The following AFF3 variants were observed in gnomAD, a reference collection of about 807,000 sequenced individuals.
AFF3 encodes the protein ALF transcription elongation factor 3, also known as AF4/FMR2 family member 3.
Under a neutral mutation model 129.7 loss-of-function variants are expected in AFF3, and 32 were observed. That is an observed-to-expected ratio of 0.25 (90% confidence interval 0.19 to 0.33). The LOEUF (loss-of-function observed/expected upper bound fraction) is 0.33, where lower values mean the gene tolerates loss of function less well. Among genes scored for constraint, AFF3 ranks in the 10% least tolerant of loss-of-function variants. The pLI is 1.00. For missense variants in AFF3, 1,373 were observed against 1,592.0 expected (o/e 0.86, Z 2.34); for synonymous variants, 644 against 635.4 (o/e 1.01, Z -0.20).
chr2:99,964,437 A>C (rs930696851), intron 7 of AFF3, among the ~76,000 whole-genome samples: 1 of 152,200 alleles, frequency 6.6e-6, no homozygotes, highest in Admixed American at 6.5e-5. Context: ...ATCAAACTAG[A>C]AATCAATAAC....
At chr2:99,836,712 T>A (rs938675064) in intron 8 of AFF3, among the ~76,000 whole-genome samples, 2 of 150,334 alleles carry the variant, frequency 1.3e-5, no homozygotes, top group African/African-American at 4.9e-5. Context: ...AATAAAGTGT[T>A]TTTTTTTTTA....
At chr2:100,131,997 A>T (rs565052583) in intron 1 of AFF3, among the ~76,000 whole-genome samples, 3 of 152,114 alleles carry the variant, frequency 2.0e-5, no homozygotes, top group Non-Finnish European at 2.9e-5. Context: ...CCCAGCTCCG[A>T]GGGAGGACCG....
chr2:99,866,259 G>C (rs1249633355), intron 7 of AFF3, among the ~76,000 whole-genome samples: 1 of 152,218 alleles, frequency 6.6e-6, no homozygotes, highest in African/African-American at 2.4e-5. Flanking sequence ...ATGGTGTTCA[G>C]TAGAAAGCAG....
At chr2:99,752,149 G>C in intron 9 of AFF3, 72 bp downstream of exon 9, 1 of 1,332,420 alleles carries the variant, frequency 7.5e-7, no homozygotes, top group African/African-American at 1.4e-5. Flanking sequence ...ACAATCACGG[G>C]TAAAGCCCAC....
At chr2:99,899,509 ATTTATC>A (rs1322759854) in intron 7 of AFF3, among the ~76,000 whole-genome samples, 1 of 152,254 alleles carries the variant, frequency 6.6e-6, no homozygotes, top group Non-Finnish European at 1.5e-5. Context: ...CAATCGATCC[ATTTATC>A]TTCACTGGTA....
intron 11 of AFF3, among the ~76,000 whole-genome samples, chr2:99,723,976 A>G (rs1371327090): frequency 1.3e-5 from 2 of 152,066 alleles, no homozygotes; most frequent in African/African-American, 4.8e-5. Flanking sequence ...CTCTCTTTAC[A>G]TCTCCCAGAA....
chr2:99,611,426 G>C (rs1272253028), intron 13 of AFF3, among the ~76,000 whole-genome samples: 4 of 152,064 alleles, frequency 2.6e-5, no homozygotes, highest in African/African-American at 9.7e-5. Context: ...AAAAATTATT[G>C]CTTGTTTTTG....
intron 12 of AFF3, among the ~76,000 whole-genome samples, chr2:99,670,339 T>C (rs1029885942): frequency 6.6e-6 from 1 of 152,172 alleles, no homozygotes; most frequent in African/African-American, 2.4e-5. Context: ...CATGGGCTGG[T>C]TGAACCAATA....
chr2:99,645,833 T>C (rs1248165900), intron 13 of AFF3, among the ~76,000 whole-genome samples: 1 of 152,334 alleles, frequency 6.6e-6, no homozygotes, highest in Middle Eastern at 3.4e-3. Context: ...CTGTCAGATA[T>C]TGGATTTGTG....
chr2:100,064,416 G>T (rs1687556554), intron 4 of AFF3, among the ~76,000 whole-genome samples: 1 of 152,168 alleles, frequency 6.6e-6, no homozygotes, highest in Non-Finnish European at 1.5e-5. Context: ...TGTCTTCAAT[G>T]GGCAAGGAAA....
chr2:100,118,878 C>T (rs1691836107), intron 2 of AFF3, among the ~76,000 whole-genome samples: 2 of 151,582 alleles, frequency 1.3e-5, no homozygotes, highest in South Asian at 4.2e-4. Flanking sequence ...GTGATCCCAG[C>T]TCACTGCAGC....
At chr2:99,921,492 C>T (rs1177200230) in intron 7 of AFF3, among the ~76,000 whole-genome samples, 6 of 152,106 alleles carry the variant, frequency 3.9e-5, no homozygotes, top group South Asian at 2.1e-4. Flanking sequence ...ACTTAATCTA[C>T]TGTAATGTTC....
At chr2:99,825,902 T>A (rs1392844105) in intron 8 of AFF3, among the ~76,000 whole-genome samples, 1 of 152,202 alleles carries the variant, frequency 6.6e-6, no homozygotes, top group African/African-American at 2.4e-5. Flanking sequence ...AGCTCATGTT[T>A]TAGGGGATGG....
chr2:99,703,159 T>C (rs896893427), intron 11 of AFF3, among the ~76,000 whole-genome samples: 1 of 152,216 alleles, frequency 6.6e-6, no homozygotes, highest in African/African-American at 2.4e-5. Context: ...CAGGGCTGTG[T>C]TCCTTCTGAG....
At chr2:99,925,228 G>A (rs1288792406) in intron 7 of AFF3, among the ~76,000 whole-genome samples, 2 of 151,696 alleles carry the variant, frequency 1.3e-5, no homozygotes, top group East Asian at 1.9e-4. Flanking sequence ...AAATGACTAC[G>A]GTTTTATTTT....
chr2:99,750,175 AGATAAAT>A (rs1317243085), intron 9 of AFF3, among the ~76,000 whole-genome samples: 1 of 152,226 alleles, frequency 6.6e-6, no homozygotes, highest in East Asian at 1.9e-4. Context: ...CATATATAAT[AGATAAAT>A]GAATAAGAGT....
At chr2:100,063,109 G>A (rs920311736) in intron 4 of AFF3, among the ~76,000 whole-genome samples, 4 of 152,238 alleles carry the variant, frequency 2.6e-5, no homozygotes, top group Admixed American at 6.5e-5. Context: ...AAATTAGCCA[G>A]GCGTGGTGGC....
intron 7 of AFF3, among the ~76,000 whole-genome samples, chr2:99,854,246 G>GTA (rs1690358109): frequency 7.8e-6 from 1 of 128,292 alleles, no homozygotes; most frequent in African/African-American, 3.4e-5. Flanking sequence ...ACTATCTATA[G>GTA]CAAAAAAAAA....
At chr2:99,668,347 T>A (rs997909398) in intron 12 of AFF3, among the ~76,000 whole-genome samples, 1 of 151,896 alleles carries the variant, frequency 6.6e-6, no homozygotes, top group Admixed American at 6.6e-5. Flanking sequence ...AATTTTTGTA[T>A]TTTTAGTAGA....
Sources: gnomAD v4.1 joint callset for allele counts (sites outside exome capture counted in the v4.1 genomes callset) on GRCh38, gnomAD v4.1.1 for gene constraint, MANE v1.5 for transcripts, NCBI Gene and HGNC (gene_info 2026-07-23, HGNC 2026-07-21) for gene names.